The following MET variants were observed in gnomAD, a reference collection of about 807,000 sequenced individuals.
MET encodes hepatocyte growth factor receptor.
MET carries 48 observed loss-of-function variants against 133.1 expected under a neutral mutation model. The ratio of observed to expected loss-of-function variants is 0.36; its 90% CI spans 0.29 to 0.46. The LOEUF (loss-of-function observed/expected upper bound fraction) is 0.46. MET is among the 20% of genes least tolerant of loss of function. The pLI is 1.00. For synonymous variants in MET, 628 were observed against 616.5 expected (o/e 1.02, Z -0.28); for missense variants, 1,442 against 1,695.9 (o/e 0.85, Z 2.63).
chr7:116,772,782 G>A (rs1443106939), intron 14 of MET, among the ~76,000 whole-genome samples: 1 of 152,132 alleles, frequency 6.6e-6, no homozygotes, highest in Non-Finnish European at 1.5e-5. Flanking sequence ...AAGTTCAAGA[G>A]CAATGAAGCA....
chr7:116,733,476 GT>G (rs989434404), intron 3 of MET, among the ~76,000 whole-genome samples: 10 of 151,312 alleles, frequency 6.6e-5, no homozygotes, highest in African/African-American at 2.4e-4. Context: ...ACATTCTAAA[GT>G]TGTAATACAA....
intron 1 of MET, among the ~76,000 whole-genome samples, chr7:116,688,747 C>T (rs1168937110): frequency 6.6e-6 from 1 of 152,146 alleles, no homozygotes; most frequent in East Asian, 1.9e-4. Context: ...CTTGCCATAT[C>T]AGAGTTGGAT....
At chr7:116,712,630 C>G (rs969621405) in intron 2 of MET, among the ~76,000 whole-genome samples, 3 of 152,110 alleles carry the variant, frequency 2.0e-5, no homozygotes, top group Non-Finnish European at 4.4e-5. Context: ...GGGGAGTTTT[C>G]AAGAGCTAAA....
chr7:116,781,239 C>CCT (rs375772148), intron 17 of MET, among the ~76,000 whole-genome samples: 7 of 151,604 alleles, frequency 4.6e-5, no homozygotes, highest in African/African-American at 9.7e-5. Context: ...ATGTTTTTCC[C>CCT]CTCTCTCTCT....
intron 1 of MET, among the ~76,000 whole-genome samples, chr7:116,684,980 C>T (rs1420479342): frequency 2.0e-5 from 3 of 152,056 alleles, no homozygotes; most frequent in African/African-American, 7.2e-5. Context: ...GCATGGAAGC[C>T]AATAAGGAGA....
intron 1 of MET, among the ~76,000 whole-genome samples, chr7:116,695,128 C>A (rs1298644628): frequency 1.3e-5 from 2 of 152,090 alleles, no homozygotes; most frequent in Non-Finnish European, 1.5e-5. Context: ...ACAGAAAATA[C>A]AGCAATAAAT....
rs754820465 is a variant in MET at position 116,699,621 on chromosome 7, C to A, written c.537C>A (p.Ala179=). 6.2e-7 allele frequency: 1 copy of A among 1,613,958 alleles called. No homozygotes were observed. Among genetic ancestry groups the A allele is most frequent in the South Asian group, 1.1e-5 (1 of 91,086 alleles). ...AGTGTCCTGACTGTGTGGTGAGCGC[C>A]CTGGGAGCCAAAGTCCTTTCATCTG... is the stretch of plus-strand genomic sequence containing the variant. The part of the protein sequence containing the change: ...PSQCPDCVVS[A]LGAKVLSSVK... Residue 179 remains alanine (A), a synonymous_variant, in exon 2 of 21, where the codon GCC becomes GCA. Coordinates refer to ENST00000397752, the MANE Select transcript of MET (RefSeq NM_000245.4).
At chr7:116,754,529 G>A (rs1794049525) in intron 5 of MET, among the ~76,000 whole-genome samples, 1 of 151,882 alleles carries the variant, frequency 6.6e-6, no homozygotes, top group Admixed American at 6.6e-5. Context: ...CTTCAGAATG[G>A]CCCAAAAAGG....
chr7:116,681,337 T>G (rs1048484266), intron 1 of MET, among the ~76,000 whole-genome samples: 3 of 145,110 alleles, frequency 2.1e-5, no homozygotes, highest in Admixed American at 6.9e-5. Context: ...ATAAAGGTTT[T>G]ACACCATTTT....
intron 2 of MET, among the ~76,000 whole-genome samples, chr7:116,727,829 A>G (rs112155944): frequency 3.3e-5 from 5 of 152,266 alleles, no homozygotes; most frequent in African/African-American, 1.2e-4. Context: ...CAGCAAACAT[A>G]TTTGCTGATT....
intron 1 of MET, among the ~76,000 whole-genome samples, chr7:116,675,054 G>A (rs1646127058): frequency 6.6e-6 from 1 of 152,232 alleles, no homozygotes; most frequent in Admixed American, 6.5e-5. Flanking sequence ...AGCCCTTAGG[G>A]CAGAGTTTCT....
chr7:116,784,566 A>G (rs1430867292), intron 19 of MET, among the ~76,000 whole-genome samples: 2 of 152,166 alleles, frequency 1.3e-5, no homozygotes, highest in African/African-American at 4.8e-5. Flanking sequence ...AGTGCCATGC[A>G]CTTTTAAACA....
intron 12 of MET, among the ~76,000 whole-genome samples, chr7:116,770,321 A>T (rs1456865507): frequency 1.3e-5 from 2 of 152,210 alleles, no homozygotes; most frequent in Non-Finnish European, 2.9e-5. Context: ...CTTTATTGTG[A>T]TGTAATTCAC....
At chr7:116,775,485 C>A (rs1017748152) in intron 15 of MET, among the ~76,000 whole-genome samples, 1 of 152,146 alleles carries the variant, frequency 6.6e-6, no homozygotes, top group Admixed American at 6.6e-5. Context: ...AGGTGGATCA[C>A]CTGAGGTCAG....
intron 19 of MET, among the ~76,000 whole-genome samples, chr7:116,784,316 A>G (rs936999033): frequency 6.6e-6 from 1 of 152,234 alleles, no homozygotes; most frequent in Non-Finnish European, 1.5e-5. Flanking sequence ...GTAATGTGGA[A>G]ACAAAAAAGT....
In MET at chr7:116,778,877, C is replaced by T. The variant is rs879254336; in HGVS notation, c.3442C>T (p.Arg1148Ter). The T allele has an allele frequency of 6.2e-7, 1 of 1,614,004 alleles. No individual in the cohort carries two copies. Among genetic ancestry groups the T allele is most frequent in the Non-Finnish European group, 8.5e-7 (1 of 1,179,958 alleles). Residue 1148 changes from arginine to a stop codon, truncating the protein, a stop_gained, in exon 17 of 21, where the codon CGA becomes TGA. Transcript: ENST00000397752. LOFTEE classifies it high-confidence loss of function. ...NVLSLLGICL[R>*]SEGSPLVVLP... The stretch of plus-strand genomic sequence containing the variant: ...CCTCTCGCTCCTGGGAATCTGCCTG[C>T]GAAGTGAAGGGTCTCCGCTGGTGGT...
intron 2 of MET, among the ~76,000 whole-genome samples, chr7:116,714,948 A>C (rs1792135756): frequency 6.6e-6 from 1 of 152,192 alleles, no homozygotes; most frequent in Non-Finnish European, 1.5e-5. Flanking sequence ...AACTTAAGTA[A>C]TTCTCTTCAA....
Position 116,758,678 on chromosome 7 carries a change from G to A in MET, c.2264+58G>A, listed in dbSNP as rs1794282631. The A allele has an allele frequency of 3.2e-6, 5 of 1,557,950 alleles. No individual in the cohort carries two copies. The East Asian group carries it at 6.8e-5, about 21-fold the overall frequency. Reference sequence around the variant, plus strand: ...CAATGAATACAAGGATGATTTTGCTGTAGAATAGTCAAGAGGAATTGCAGT... The same window carrying A: ...CAATGAATACAAGGATGATTTTGCTATAGAATAGTCAAGAGGAATTGCAGT... On this transcript the variant is annotated intron_variant, in intron 9 of 20. Coordinates refer to ENST00000397752, the MANE Select transcript of MET (RefSeq NM_000245.4).
intron 19 of MET, among the ~76,000 whole-genome samples, chr7:116,792,367 C>T (rs901089773): frequency 1.3e-5 from 2 of 151,976 alleles, no homozygotes; most frequent in African/African-American, 2.4e-5. Context: ...ATAGCGCTCT[C>T]ATGGCTTGAA....
Sources: allele counts gnomAD v4.1 joint callset (sites outside exome capture counted in the v4.1 genomes callset), GRCh38; gene constraint gnomAD v4.1.1; transcripts MANE v1.5; gene names NCBI Gene and HGNC (gene_info 2026-07-23, HGNC 2026-07-21).